MYO10: variants seen among roughly 807,000 people sequenced by gnomAD.
The protein encoded by MYO10 is unconventional myosin-X.
A neutral mutation model predicts 257.3 loss-of-function variants in MYO10; 133 were observed. The ratio of observed to expected loss-of-function variants is 0.52; its 90% CI spans 0.45 to 0.60. MYO10 has a LOEUF of 0.60. MYO10 is among the 20% of genes least tolerant of loss of function. The pLI is 0.00. For missense variants in MYO10, 2,399 were observed against 2,635.7 expected (o/e 0.91, Z 1.97); for synonymous variants, 1,104 against 1,028.6 (o/e 1.07, Z -1.40).
chr5:16,713,564 G>C, intron 19 of MYO10: 1 of 886,210 alleles, frequency 1.1e-6, no homozygotes, highest in South Asian at 5.2e-5. Context: ...AGGGGAGGGA[G>C]GGAGCAAGGA....
At chr5:16,674,810 A>C in intron 35 of MYO10, 43 bp downstream of exon 35, 1 of 1,605,954 alleles carries the variant, frequency 6.2e-7, no homozygotes, top group African/African-American at 1.3e-5. Flanking sequence ...CCACCTGTGT[A>C]AGCAGCTCTG....
At chr5:16,679,887 C>T in intron 33 of MYO10, 60 bp downstream of exon 33, 1 of 1,569,716 alleles carries the variant, frequency 6.4e-7, no homozygotes, top group Non-Finnish European at 8.7e-7. Flanking sequence ...GGTCTTGGTG[C>T]TCTAAGGGTA....
chr5:16,672,685 C>A lies in MYO10; in HGVS notation c.5309+4G>T. On this transcript the variant is annotated splice_donor_region_variant and intron_variant, in intron 37 of 40. Coordinates refer to ENST00000513610, the MANE Select transcript of MYO10 (RefSeq NM_012334.3). ...TTCTGACACAGTAGGGAAAAGGAAC[C>A]TACTTTTCAAACTTGGCTAAGACAT... is the stretch of plus-strand genomic sequence containing the variant. 1 of 1,613,968 alleles carries A rather than the reference C, an allele frequency of 6.2e-7. No homozygotes were observed. Among genetic ancestry groups the A allele is most frequent in the Non-Finnish European group, 8.5e-7 (1 of 1,179,856 alleles).
At chr5:16,677,268 T>C (rs1409394408) in intron 33 of MYO10, among the ~76,000 whole-genome samples, 5 of 152,182 alleles carry the variant, frequency 3.3e-5, no homozygotes, top group Admixed American at 1.3e-4. Flanking sequence ...TTTTAATTAC[T>C]TAAATAATTT....
At chr5:16,689,972 AACT>A in intron 27 of MYO10, 53 bp from the exon 28 acceptor site, 1 of 1,328,772 alleles carries the variant, frequency 7.5e-7, no homozygotes. Context: ...AATTCTGAAT[AACT>A]GAGGAAAGCA....
At chr5:16,695,468 A>G (rs1440461281) in intron 26 of MYO10, among the ~76,000 whole-genome samples, 1 of 152,180 alleles carries the variant, frequency 6.6e-6, no homozygotes, top group Non-Finnish European at 1.5e-5. Flanking sequence ...GGAGAAAAAC[A>G]TCTTTTCAAA....
At chr5:16,843,591 T>C (rs1218130722) in intron 2 of MYO10, among the ~76,000 whole-genome samples, 1 of 152,216 alleles carries the variant, frequency 6.6e-6, no homozygotes, top group African/African-American at 2.4e-5. Flanking sequence ...ATATGTCTTA[T>C]TTGTCTCCAT....
chr5:16,900,859 C>T (rs1745359028), intron 1 of MYO10, among the ~76,000 whole-genome samples: 1 of 151,934 alleles, frequency 6.6e-6, no homozygotes, highest in Admixed American at 6.6e-5. Flanking sequence ...CCTGCCTCAG[C>T]CTCCCGAGTA....
intron 2 of MYO10, among the ~76,000 whole-genome samples, chr5:16,839,546 C>T (rs1266022167): frequency 1.3e-5 from 2 of 152,096 alleles, no homozygotes; most frequent in Non-Finnish European, 2.9e-5. Context: ...AGTTCGAGAC[C>T]AGCCTGGGCA....
intron 33 of MYO10, among the ~76,000 whole-genome samples, chr5:16,677,565 G>A (rs895402808): frequency 9.8e-4 from 149 of 151,422 alleles, no homozygotes; most frequent in African/African-American, 3.5e-3. Context: ...ACAGGCGCCT[G>A]CCACCACACC....
At chr5:16,825,084 T>G (rs1214876999) in intron 2 of MYO10, among the ~76,000 whole-genome samples, 1 of 152,214 alleles carries the variant, frequency 6.6e-6, no homozygotes, top group South Asian at 2.1e-4. Context: ...TTAATTATGG[T>G]CAAACAATAT....
chr5:16,850,927 T>G (rs905611634), intron 2 of MYO10, among the ~76,000 whole-genome samples: 7 of 152,110 alleles, frequency 4.6e-5, no homozygotes, highest in Admixed American at 1.3e-4. Flanking sequence ...TCCAAGTAGC[T>G]GGGACTACAG....
chr5:16,867,578 C>T (rs1744314733), intron 2 of MYO10, among the ~76,000 whole-genome samples: 1 of 152,178 alleles, frequency 6.6e-6, no homozygotes, highest in South Asian at 2.1e-4. Context: ...TCACCTCTTA[C>T]CAAGTTTCAC....
Position 16,712,254 on chromosome 5 carries a change from C to G in MYO10, c.1930-1009G>C, listed in dbSNP as rs547051793. ...CTCCATACTCTGATCACTAAATAAG[C>G]CTGAGAACACACAAATTAAAGACAG... is the stretch of plus-strand genomic sequence containing the variant. On this transcript the variant is annotated intron_variant, in intron 19 of 40. Transcript: ENST00000513610. Among the ~76,000 whole-genome samples, 4 of 152,142 alleles carry G rather than the reference C, an allele frequency of 2.6e-5. No homozygotes were observed. The South Asian group carries it at 8.3e-4, about 31-fold the overall frequency.
chr5:16,849,903 AC>A (rs1368844619), intron 2 of MYO10, among the ~76,000 whole-genome samples: 5 of 152,214 alleles, frequency 3.3e-5, no homozygotes, highest in African/African-American at 1.2e-4. Flanking sequence ...TGACCCAAAA[AC>A]AAAAAGCCAT....
intron 1 of MYO10, among the ~76,000 whole-genome samples, chr5:16,896,639 C>A (rs1316160053): frequency 2.6e-5 from 4 of 152,086 alleles, no homozygotes; most frequent in Admixed American, 6.6e-5. Flanking sequence ...AAAGGAGGCT[C>A]TCACCCCTGT....
intron 3 of MYO10, among the ~76,000 whole-genome samples, chr5:16,803,160 T>G (rs943525458): frequency 1.3e-5 from 2 of 151,980 alleles, no homozygotes; most frequent in Non-Finnish European, 2.9e-5. Context: ...GCCTGATGGC[T>G]CATGCCCGTA....
At chr5:16,895,480 C>T (rs950498835) in intron 1 of MYO10, among the ~76,000 whole-genome samples, 2 of 152,138 alleles carry the variant, frequency 1.3e-5, no homozygotes, top group Admixed American at 6.5e-5. Context: ...TCTCCACTAC[C>T]CCTGGATGAC....
intron 1 of MYO10, among the ~76,000 whole-genome samples, chr5:16,919,296 T>A (rs1300228233): frequency 1.3e-5 from 2 of 152,106 alleles, no homozygotes; most frequent in African/African-American, 4.8e-5. Flanking sequence ...GAGAATCTCT[T>A]GAACCCAGGA....
Sources: allele counts gnomAD v4.1 joint callset (sites outside exome capture counted in the v4.1 genomes callset), GRCh38; gene constraint gnomAD v4.1.1; transcripts MANE v1.5; gene names NCBI Gene and HGNC (gene_info 2026-07-23, HGNC 2026-07-21).